Variants in CCDC82 observed in about 807,000 individuals in gnomAD.
CCDC82 encodes coiled-coil domain-containing protein 82.
A neutral mutation model predicts 60.6 loss-of-function variants in CCDC82; 47 were observed. That is an observed-to-expected ratio of 0.77 (90% CI 0.61 to 0.99). CCDC82 has a LOEUF of 0.99. Ranked by LOEUF, CCDC82 falls within the 50% of genes least tolerant of loss-of-function variation. CCDC82 has a pLI of 0.00. For missense variants in CCDC82, 588 were observed against 633.0 expected (o/e 0.93, Z 0.76); for synonymous variants, 212 against 207.4 (o/e 1.02, Z -0.19).
rs1864188189 is a variant in CCDC82, at chr11:96,353,558, G to A, written c.*88C>T. 21 of 1,018,942 alleles carry A rather than the reference G, an allele frequency of 2.1e-5. No individual in the cohort carries two copies. The highest frequency in any genetic ancestry group is 2.9e-5 in the Non-Finnish European group (19 of 658,392). The allele number at this position is 1,018,942 out of a possible 1,614,324, so 63.1% of individuals were successfully genotyped here. A position where few individuals can be genotyped will look rare whatever the true frequency, so the allele number is the denominator to read the frequency against. On this transcript the variant is annotated 3_prime_UTR_variant, in exon 10 of 10. Coordinates refer to ENST00000646818, the MANE Select transcript of CCDC82 (RefSeq NM_024725.4). ...TTTGCCATGAAGATATAGATAAAAT[G>A]TACAAACATGTCACATGATACAGAA...
At chr11:96,389,551 C>T (rs1866427508) in intron 1 of CCDC82, 1 of 152,276 alleles carries the variant, frequency 6.6e-6, no homozygotes, top group Non-Finnish European at 1.5e-5. Flanking sequence ...TTACAAGGGT[C>T]TGGAAAGGCC....
rs189827286 is a variant in CCDC82 at position 96,373,747 on chromosome 11, A to G, written c.992-280T>C. On this transcript the variant is annotated intron_variant, in intron 5 of 9. Coordinates refer to ENST00000646818, the MANE Select transcript of CCDC82 (RefSeq NM_024725.4). ...CAGAGAATATTAAAATAAGTTTAAA[A>G]AATAAAAATTATCCCTTGCACACCT... 2.6e-5 allele frequency among the ~76,000 whole-genome samples: 4 copies of G among 152,354 alleles called. No individual in the cohort carries two copies. In the East Asian group the frequency reaches 7.7e-4, roughly 29 times the overall value.
chr11:96,361,025 C>T lies in CCDC82; in HGVS notation c.1381-1847G>A, dbSNP rs566823125. Among the ~76,000 whole-genome samples, 113 of 152,260 alleles carry T rather than the reference C, an allele frequency of 7.4e-4. No individual in the cohort carries two copies. The Middle Eastern group carries it at 0.01, about 14-fold the overall frequency. ...CATGGCTTATTAAAATTAACTTTTCCAATTCAACCTTATCATCAAAGCAGT... is the reference window on the plus strand; with the variant it reads ...CATGGCTTATTAAAATTAACTTTTCTAATTCAACCTTATCATCAAAGCAGT... On this transcript the variant is annotated intron_variant, in intron 8 of 9. Coordinates refer to ENST00000646818, the MANE Select transcript of CCDC82 (RefSeq NM_024725.4).
At chr11:96,356,595 CATATT>C (rs1388380176) in intron 9 of CCDC82, 9 of 981,528 alleles carry the variant, frequency 9.2e-6, no homozygotes, top group Non-Finnish European at 1.1e-5. Flanking sequence ...TTGCCAGTGT[CATATT>C]AGAGTATGTT....
chr11:96,371,275 T>A, intron 6 of CCDC82, 138 bp from the exon 7 acceptor site: 3 of 587,962 alleles, frequency 5.1e-6, no homozygotes, highest in Non-Finnish European at 7.8e-6. Context: ...AATCATTCCA[T>A]CAGAACATTA....
At chr11:96,366,611 C>T (rs1183568885) in intron 7 of CCDC82, among the ~76,000 whole-genome samples, 2 of 152,192 alleles carry the variant, frequency 1.3e-5, no homozygotes, top group Non-Finnish European at 2.9e-5. Flanking sequence ...TGCCCTCCAG[C>T]TGGCCACAGT....
rs1365387109 is a variant in CCDC82 at position 96,353,152 on chromosome 11, CAATGGG to C, written c.*488_*493del. ...GATATGCTATGATCTGATTCTGAAG[CAATGGG>C]ATTGAACTGAATGATATATGAGGTT... is the stretch of plus-strand genomic sequence containing the variant. On this transcript the variant is annotated 3_prime_UTR_variant, in exon 10 of 10. Coordinates refer to ENST00000646818, the MANE Select transcript of CCDC82 (RefSeq NM_024725.4). 2.0e-5 allele frequency: 3 copies of C among 152,852 alleles called. No individual in the cohort carries two copies. The highest frequency in any genetic ancestry group is 4.4e-5 in the Non-Finnish European group (3 of 68,536). 9.5% of individuals were successfully genotyped at this position (152,852 alleles called of 1,614,324 possible).
Position 96,384,284 on chromosome 11 carries a change from T to C in CCDC82, c.464A>G (p.Gln155Arg), listed in dbSNP as rs1442423182. The C allele has an allele frequency of 1.2e-6, 2 of 1,613,754 alleles. No individual in the cohort carries two copies. The highest frequency in any genetic ancestry group is 4.5e-5 in the East Asian group (2 of 44,870). Residue 155 changes from glutamine (Q) to arginine (R), a missense_variant, in exon 4 of 10, where the codon CAA becomes CGA. Transcript: ENST00000646818. ...IEDDQEKHLS[Q>R]EDNDLNKQTG... is the part of the protein sequence containing the mutation. Reference sequence around the variant, plus strand: ...TTGTTTGTTGAGATCATTATCCTCTTGACTTAAATGTTTTTCCTGATCATC... The same window carrying C: ...TTGTTTGTTGAGATCATTATCCTCTCGACTTAAATGTTTTTCCTGATCATC...
In CCDC82 at chr11:96,384,751, C is replaced by T; in HGVS notation, c.-4G>A. On this transcript the variant is annotated 5_prime_UTR_variant, in exon 4 of 10. Transcript: ENST00000646818. The stretch of plus-strand genomic sequence containing the variant: ...CATGTCTTCTAACATGTATCATTTT[C>T]ACTTAAGCTTCTATAAAATAAAGTT... The T allele has an allele frequency of 1.3e-6, 2 of 1,572,552 alleles. No individual in the cohort carries two copies. The highest frequency in any genetic ancestry group is 2.4e-5 in the South Asian group (2 of 83,180).
chr11:96,354,997 C>T (rs541417698), intron 9 of CCDC82: 1 of 152,270 alleles, frequency 6.6e-6, no homozygotes, highest in Admixed American at 6.5e-5. Flanking sequence ...TGATATCTGA[C>T]TGGATCTCCT....
intron 8 of CCDC82, among the ~76,000 whole-genome samples, chr11:96,361,078 C>G (rs1361031925): frequency 3.3e-5 from 5 of 152,166 alleles, no homozygotes; most frequent in African/African-American, 1.2e-4. Context: ...TTCAGCAATT[C>G]ACTTGCTAAT....
intron 5 of CCDC82, among the ~76,000 whole-genome samples, chr11:96,380,073 A>G (rs1471732168): frequency 3.3e-5 from 5 of 151,830 alleles, no homozygotes; most frequent in South Asian, 4.1e-4. Flanking sequence ...AGTAAAGTAC[A>G]TGACAATACC....
intron 7 of CCDC82, among the ~76,000 whole-genome samples, chr11:96,367,675 T>A (rs1191651275): frequency 6.6e-6 from 1 of 152,212 alleles, no homozygotes; most frequent in Non-Finnish European, 1.5e-5. Context: ...TTAATGTTGA[T>A]ATTTTTACCT....
intron 5 of CCDC82, among the ~76,000 whole-genome samples, chr11:96,375,274 T>G (rs1865507214): frequency 6.6e-6 from 1 of 152,164 alleles, no homozygotes; most frequent in African/African-American, 2.4e-5. Context: ...TGCTACTCAT[T>G]TGCTATAGAG....
intron 9 of CCDC82, 31 bp from the exon 10 acceptor site, chr11:96,353,745 T>C (rs1864203091): frequency 6.5e-7 from 1 of 1,537,020 alleles, no homozygotes; most frequent in Non-Finnish European, 9.0e-7. Flanking sequence ...CTAGTTATTT[T>C]ACTCAAAGCA....
rs758694149 is a variant in CCDC82, at chr11:96,384,053, A to C, written c.695T>G (p.Leu232Ter). 6.2e-7 allele frequency: 1 copy of C among 1,613,698 alleles called. No individual in the cohort carries two copies. The highest frequency in any genetic ancestry group is 8.5e-7 in the Non-Finnish European group (1 of 1,179,726). Residue 232 changes from leucine to a stop codon, truncating the protein, a stop_gained, in exon 4 of 10, where the codon TTA becomes TGA. Coordinates refer to ENST00000646818, the MANE Select transcript of CCDC82 (RefSeq NM_024725.4). LOFTEE classifies it high-confidence loss of function. ...AAGTTTTTCTCGCTTTTGTGCAGCTAATGTTTTTTCAGGAGTCTTTTGCTC... is the reference window on the plus strand; with the variant it reads ...AAGTTTTTCTCGCTTTTGTGCAGCTCATGTTTTTTCAGGAGTCTTTTGCTC... ...EMEQKTPEKT[L>*]AAQKREKLQK...
intron 5 of CCDC82, among the ~76,000 whole-genome samples, chr11:96,374,627 T>G (rs908141019): frequency 1.3e-4 from 20 of 152,128 alleles, no homozygotes; most frequent in African/African-American, 4.1e-4. Context: ...ACGGCATAAT[T>G]GAAAAATGAA....
chr11:96,382,782 A>G (rs2136198803), intron 5 of CCDC82: 1 of 152,000 alleles, frequency 6.6e-6, no homozygotes, highest in East Asian at 1.9e-4. Flanking sequence ...TTGTTTTCAT[A>G]CACTTCAACC....
intron 9 of CCDC82, chr11:96,356,689 C>T (rs79455070): frequency 0.09 from 85,431 of 947,502 alleles, 4,313 homozygotes; most frequent in African/African-American, 0.18. Flanking sequence ...TTCCTATTAT[C>T]TATTCTTTTC....
Sources: gnomAD v4.1 joint callset for allele counts (sites outside exome capture counted in the v4.1 genomes callset) on GRCh38, gnomAD v4.1.1 for gene constraint, MANE v1.5 for transcripts, NCBI Gene and HGNC (gene_info 2026-07-23, HGNC 2026-07-21) for gene names.